The following GPR135 variants were observed in gnomAD, a reference collection of about 807,000 sequenced individuals.
GPR135 encodes G protein-coupled receptor 135, also known as G-protein coupled receptor 135.
GPR135 carries 17 observed loss-of-function variants against 15.0 expected under a neutral mutation model. That is an observed-to-expected ratio of 1.13 (90% CI 0.78 to 1.70). GPR135 has a LOEUF of 1.70. Ranked by LOEUF, GPR135 falls within the 40% of genes most tolerant of loss-of-function variation. The probability of loss-of-function intolerance (pLI) is 0.00; values close to 1 mark genes in which losing one functional copy is unlikely to be tolerated. For synonymous variants in GPR135, 368 were observed against 349.4 expected, an observed-to-expected ratio of 1.05 and a Z score of -0.59; for missense variants, 776 against 727.0, an observed-to-expected ratio of 1.07 and a Z score of -0.78.
chr14:59,455,829 C>G (rs1418409287), downstream of GPR135: 1 of 152,212 alleles, frequency 6.6e-6, no homozygotes, highest in Non-Finnish European at 1.5e-5. Flanking sequence ...GACATCTTCA[C>G]TTCTGCCACA....
intron 6 of GPR135, among the ~76,000 whole-genome samples, chr14:59,454,264 T>C (rs1414971736): frequency 2.6e-5 from 4 of 152,236 alleles, no homozygotes; most frequent in Non-Finnish European, 5.9e-5. Context: ...TGCTGGATGC[T>C]TCCTGCCCTT....
In GPR135 at chr14:59,464,157, C is replaced by T. The variant is rs776044097; in HGVS notation, c.1070G>A (p.Arg357Gln). ...YCFLVLLAAA[R>Q]QAQTMQAPSL... Reference sequence around the variant, plus strand: ...GGGGGCCTGCATGGTCTGGGCCTGCCGGGCGGCGGCCAGCAGCACCAGGAA... The same window carrying T: ...GGGGGCCTGCATGGTCTGGGCCTGCTGGGCGGCGGCCAGCAGCACCAGGAA... The change falls in exon 1 of 1, where the codon CGG becomes CAG. Residue 357 changes from arginine to glutamine, a missense_variant. By Grantham distance (43) the Arg-to-Gln change is conservative (BLOSUM62 1). Coordinates refer to ENST00000395116, the MANE Select transcript of GPR135 (RefSeq NM_022571.6). 31 of 1,608,744 alleles carry T rather than the reference C, an allele frequency of 1.9e-5. No homozygotes were observed. Among genetic ancestry groups the T allele is most frequent in the South Asian group, 3.3e-5 (3 of 91,002 alleles).
rs1230233690 is a variant in GPR135, at chr14:59,462,738, C to A, written c.*1004G>T. The A allele has an allele frequency of 1.3e-5, 2 of 152,090 alleles. No homozygotes were observed. Among genetic ancestry groups the A allele is most frequent in the Non-Finnish European group, 2.9e-5 (2 of 68,014 alleles). 9.4% of individuals were successfully genotyped at this position (152,090 alleles called of 1,614,324 possible). ...AGTTAGCTAAAAGCCACGTAGGAAA[C>A]CCAACCTTGTTGTTTTATAGAGGTC... On this transcript the variant is annotated 3_prime_UTR_variant, in exon 1 of 1. Transcript: ENST00000395116.
intron 6 of GPR135, among the ~76,000 whole-genome samples, chr14:59,454,615 A>AT (rs1888592193): frequency 6.6e-6 from 1 of 151,946 alleles, no homozygotes; most frequent in South Asian, 2.1e-4. Context: ...TACCTTTAGG[A>AT]TTTTCTGTAC....
rs1889077329 is a variant in GPR135 at position 59,464,941 on chromosome 14, G to T, written c.286C>A (p.Leu96Met). 5.1e-6 allele frequency: 8 copies of T among 1,556,538 alleles called. No homozygotes were observed. The highest frequency in any genetic ancestry group is 6.9e-6 in the Non-Finnish European group (8 of 1,154,786). ...RRPLGPEAAP[L>M]LSHGAAVAAQ... ...GCCACTGCAGCTCCGTGCGACAGCA[G>T]CGGCGCCGCCTCCGGGCCTAGCGGC... The change falls in exon 1 of 1, where the codon CTG (leucine) becomes ATG (methionine). Residue 96 changes from leucine (L) to methionine (M), a missense_variant. Physicochemically the swap from Leu to Met is conservative, Grantham distance 15. Coordinates refer to ENST00000395116, the MANE Select transcript of GPR135 (RefSeq NM_022571.6).
At position 59,465,059 on chromosome 14, in the gene GPR135, G is replaced by C; in HGVS notation, c.168C>G (p.Ser56Arg). 1 of 1,361,528 alleles carries C rather than the reference G, an allele frequency of 7.3e-7. No individual in the cohort carries two copies. Among genetic ancestry groups the C allele is most frequent in the South Asian group, 1.8e-5 (1 of 54,072 alleles). The allele number at this position is 1,361,528 out of a possible 1,614,324, so 84.3% of individuals were successfully genotyped here. A position where few individuals can be genotyped will look rare whatever the true frequency, so the allele number is the denominator to read the frequency against. Reference sequence around the variant, plus strand: ...CAGCTGTGCCGCCTCCGCTTGCGTCGCTCAGGTTCCCCAGCGCCGCGGTCG... The same window carrying C: ...CAGCTGTGCCGCCTCCGCTTGCGTCCCTCAGGTTCCCCAGCGCCGCGGTCG... The part of the protein sequence containing the change: ...TVATAALGNL[S>R]DASGGGTAAA... The change falls in exon 1 of 1, where the codon AGC becomes AGG. Residue 56 changes from serine (S) to arginine (R), a missense_variant. Coordinates refer to ENST00000395116, the MANE Select transcript of GPR135 (RefSeq NM_022571.6).
downstream of GPR135, among the ~76,000 whole-genome samples, chr14:59,458,006 T>C (rs1888721857): frequency 6.6e-6 from 1 of 152,194 alleles, no homozygotes. Flanking sequence ...CAGATACACG[T>C]TTCTACTACT....
At chr14:59,457,818 T>C (rs959039939), downstream of GPR135, among the ~76,000 whole-genome samples, 1 of 152,234 alleles carries the variant, frequency 6.6e-6, no homozygotes, top group African/African-American at 2.4e-5. Flanking sequence ...ATCCCTCTCA[T>C]GGAGAGTTTC....
chr14:59,459,593 C>T (rs1028271011), downstream of GPR135, among the ~76,000 whole-genome samples: 1 of 152,216 alleles, frequency 6.6e-6, no homozygotes, highest in African/African-American at 2.4e-5. Context: ...ATGCTGTCAT[C>T]TTAAGTTTTA....
downstream of GPR135, chr14:59,460,720 C>T (rs772404917): frequency 2.0e-5 from 3 of 152,164 alleles, no homozygotes; most frequent in Non-Finnish European, 4.4e-5. Flanking sequence ...AATGAAATAC[C>T]CAAACTGGGA....
downstream of GPR135, among the ~76,000 whole-genome samples, chr14:59,459,950 C>A (rs373630260): frequency 6.6e-6 from 1 of 152,138 alleles, no homozygotes; most frequent in Non-Finnish European, 1.5e-5. Context: ...TAGTACAAAT[C>A]TAGTTGAGTT....
chr14:59,464,083 T>C lies in GPR135; in HGVS notation c.1144A>G (p.Ile382Val). The change falls in exon 1 of 1, where the codon ATC (isoleucine) becomes GTC (valine). Residue 382 changes from isoleucine (I) to valine (V), a missense_variant. By Grantham distance (29) the Ile-to-Val change is conservative. Coordinates refer to ENST00000395116, the MANE Select transcript of GPR135 (RefSeq NM_022571.6). ...AVWLTWANGA[I>V]NPVIYAIRNP... The stretch of plus-strand genomic sequence containing the variant: ...CGGATGGCGTAGATGACAGGGTTGA[T>C]GGCCCCATTGGCCCAGGTCAGCCAG... 2 of 1,612,698 alleles carry C rather than the reference T, an allele frequency of 1.2e-6. No individual in the cohort carries two copies. The highest frequency in any genetic ancestry group is 1.7e-6 in the Non-Finnish European group (2 of 1,180,004).
rs1255721729 is a variant in GPR135 at position 59,464,475 on chromosome 14, CG to C, written c.751del (p.Arg251GlyfsTer64). 1.9e-6 allele frequency: 3 copies of C among 1,543,676 alleles called. No homozygotes were observed. The highest frequency in any genetic ancestry group is 2.6e-6 in the Non-Finnish European group (3 of 1,150,132). On this transcript the variant is annotated frameshift_variant, in exon 1 of 1. Coordinates refer to ENST00000395116, the MANE Select transcript of GPR135 (RefSeq NM_022571.6). LOFTEE classifies it high-confidence loss of function. ...SLPWELLGAPRELAAAQSFHG... is the reference protein window; with the variant it reads ...SLPWELLGAPXELAAAQSFHG... Reference sequence around the variant, plus strand: ...GAAGCTCTGCGCCGCCGCGAGTTCCCGGGGCGCCCCGAGCAGCTCCCAGGGC... The same window carrying C: ...GAAGCTCTGCGCCGCCGCGAGTTCCCGGGCGCCCCGAGCAGCTCCCAGGGC...
In GPR135 at chr14:59,464,287, C is replaced by T. The variant is rs200690091; in HGVS notation, c.940G>A (p.Val314Met). The T allele has an allele frequency of 2.5e-4, 397 of 1,611,950 alleles. 2 individuals are homozygous for T. In the East Asian group the frequency reaches 8.8e-3, roughly 36 times the overall value. The change falls in exon 1 of 1, where the codon GTG (valine) becomes ATG (methionine). Residue 314 changes from valine to methionine, a missense_variant. Coordinates refer to ENST00000395116, the MANE Select transcript of GPR135 (RefSeq NM_022571.6). The stretch of plus-strand genomic sequence containing the variant: ...CGCAGCACGCGCGCGTAGGTGTTCA[C>T]CGGCCGCACGCGCACGTCCGACAGG... The part of the protein sequence containing the change: ...VRLSDVRVRP[V>M]NTYARVLRFF...
At position 59,464,957 on chromosome 14, in the gene GPR135, G is replaced by C; in HGVS notation, c.270C>G (p.Gly90=). 6.6e-7 allele frequency: 1 copy of C among 1,515,038 alleles called. No individual in the cohort carries two copies. Among genetic ancestry groups the C allele is most frequent in the Non-Finnish European group, 8.8e-7 (1 of 1,134,456 alleles). The allele number at this position is 1,515,038 out of a possible 1,614,324, so 93.8% of individuals were successfully genotyped here. ...GCGACAGCAGCGGCGCCGCCTCCGG[G>C]CCTAGCGGCCGCCTCACCGCCGCCC... ...EAGAAVRRPL[G]PEAAPLLSHG... Residue 90 remains glycine (G), a synonymous_variant, in exon 1 of 1, where the codon GGC becomes GGG. Transcript: ENST00000395116.
chr14:59,462,945 T>C lies in GPR135; in HGVS notation c.*797A>G, dbSNP rs559447924. The C allele has an allele frequency of 9.2e-5, 14 of 152,316 alleles. No individual in the cohort carries two copies. The South Asian group carries it at 2.9e-3, about 32-fold the overall frequency. 9.4% of individuals were successfully genotyped at this position (152,316 alleles called of 1,614,324 possible). A position where few individuals can be genotyped will look rare whatever the true frequency, so the allele number is the denominator to read the frequency against. On this transcript the variant is annotated 3_prime_UTR_variant, in exon 1 of 1. Transcript: ENST00000395116. Reference sequence around the variant, plus strand: ...GCATTCTGAGAGCAGCATTCCAAAATTTATCAGAAATAAAAGTAACAGGTT... The same window carrying C: ...GCATTCTGAGAGCAGCATTCCAAAACTTATCAGAAATAAAAGTAACAGGTT...
intron 6 of GPR135, among the ~76,000 whole-genome samples, chr14:59,453,365 T>C (rs1334786568): frequency 6.6e-6 from 1 of 152,164 alleles, no homozygotes; most frequent in Non-Finnish European, 1.5e-5. Context: ...GTACTTTCAC[T>C]CAATTTTGCT....
rs1172864783 is a variant in GPR135 at position 59,462,294 on chromosome 14, A to G, written c.*1448T>C. 1 of 152,244 alleles carries G rather than the reference A, an allele frequency of 6.6e-6. No homozygotes were observed. Among genetic ancestry groups the G allele is most frequent in the Non-Finnish European group, 1.5e-5 (1 of 68,036 alleles). The allele number at this position is 152,244 out of a possible 1,614,324, so 9.4% of individuals were successfully genotyped here. ...GGCAGGATGGAGGAAAAGAAAGGGA[A>G]AAATAATATTTAAAAAAATTCTGAG... On this transcript the variant is annotated 3_prime_UTR_variant, in exon 1 of 1. Transcript: ENST00000395116.
rs1447839553 is a variant in GPR135 at position 59,465,305 on chromosome 14, C to G, written c.-79G>C. 4.9e-6 allele frequency: 5 copies of G among 1,011,642 alleles called. No homozygotes were observed. The highest frequency in any genetic ancestry group is 6.2e-6 in the Non-Finnish European group (5 of 804,794). 62.7% of individuals were successfully genotyped at this position (1,011,642 alleles called of 1,614,324 possible). ...CTAGGTCGGAGTGGTGGCTCGGGGC[C>G]GGGGGCTAGCGGCCGCCGCGGGGAG... is the stretch of plus-strand genomic sequence containing the variant. On this transcript the variant is annotated 5_prime_UTR_variant, in exon 1 of 1. Transcript: ENST00000395116.
Sources: allele counts gnomAD v4.1 joint callset (sites outside exome capture counted in the v4.1 genomes callset), GRCh38; gene constraint gnomAD v4.1.1; transcripts MANE v1.5; gene names NCBI Gene and HGNC (gene_info 2026-07-23, HGNC 2026-07-21).